Variants in CPXM2 observed in about 807,000 individuals in gnomAD.
CPXM2 encodes inactive carboxypeptidase-like protein X2.
A neutral mutation model predicts 86.1 loss-of-function variants in CPXM2; 66 were observed. The ratio of observed to expected loss-of-function variants is 0.77; its 90% CI spans 0.63 to 0.94. The LOEUF (loss-of-function observed/expected upper bound fraction) is 0.94, where lower values mean the gene tolerates loss of function less well. Ranked by LOEUF, CPXM2 falls within the 40% of genes least tolerant of loss-of-function variation. CPXM2 has a pLI of 0.00. For synonymous variants in CPXM2, 388 were observed against 400.2 expected (o/e 0.97, Z 0.36); for missense variants, 948 against 1,026.3 (o/e 0.92, Z 1.04).
chr10:123,854,269 A>T (rs1590068652), intron 3 of CPXM2, among the ~76,000 whole-genome samples: 1 of 147,594 alleles, frequency 6.8e-6, no homozygotes, highest in Non-Finnish European at 1.5e-5. Context: ...CCTAGGGGAA[A>T]CTCAAGCCAG....
At chr10:123,895,896 A>G (rs1014163240), upstream of CPXM2, among the ~76,000 whole-genome samples, 1 of 152,240 alleles carries the variant, frequency 6.6e-6, no homozygotes, top group Admixed American at 6.5e-5. Context: ...TGCTAAGTGC[A>G]CTTCTGCTAA....
chr10:123,940,824 G>A (rs1257819265), upstream of CPXM2, among the ~76,000 whole-genome samples: 2 of 152,154 alleles, frequency 1.3e-5, no homozygotes, highest in African/African-American at 4.8e-5. Context: ...CCATGGTGAG[G>A]GTACTCATTG....
intron 2 of CPXM2, among the ~76,000 whole-genome samples, chr10:123,866,303 C>A (rs748534309): frequency 1.2e-4 from 18 of 152,172 alleles, no homozygotes; most frequent in Non-Finnish European, 2.5e-4. Flanking sequence ...GTGGCTCACG[C>A]CTGTAATCCC....
At chr10:123,764,540 G>A (rs1846424390) in intron 10 of CPXM2, among the ~76,000 whole-genome samples, 1 of 151,986 alleles carries the variant, frequency 6.6e-6, no homozygotes, top group South Asian at 2.1e-4. Context: ...AGGGTGGAGT[G>A]CAGTGGCAAA....
intron 4 of CPXM2, among the ~76,000 whole-genome samples, chr10:123,816,190 T>C (rs952260211): frequency 1.3e-5 from 2 of 152,132 alleles, no homozygotes; most frequent in African/African-American, 4.8e-5. Context: ...ACTAATGCCA[T>C]GCAAAATAGA....
intron 11 of CPXM2, among the ~76,000 whole-genome samples, chr10:123,757,658 G>T (rs2133980254): frequency 6.6e-6 from 1 of 152,310 alleles, no homozygotes; most frequent in African/African-American, 2.4e-5. Context: ...AAGTAAAAAA[G>T]TTTAATGCTC....
At chr10:123,936,068 CACT>C (rs1286223579) in intron 2 of CPXM2, among the ~76,000 whole-genome samples, 1 of 137,352 alleles carries the variant, frequency 7.3e-6, no homozygotes, top group African/African-American at 2.8e-5. Flanking sequence ...CCATCATCAC[CACT>C]ATCTTTACCA....
At chr10:123,927,356 G>A (rs978102240) in intron 2 of CPXM2, among the ~76,000 whole-genome samples, 5 of 152,204 alleles carry the variant, frequency 3.3e-5, no homozygotes, top group African/African-American at 1.2e-4. Flanking sequence ...CTGCCTCATT[G>A]TTGTTGAGTT....
At chr10:123,780,719 T>C in intron 6 of CPXM2, among the ~76,000 whole-genome samples, 1 of 143,602 alleles carries the variant, frequency 7.0e-6, no homozygotes, top group Admixed American at 6.9e-5. Context: ...ATAAGCCTTT[T>C]ACCCAGCATT....
chr10:123,867,903 G>C (rs958655463), intron 2 of CPXM2, among the ~76,000 whole-genome samples: 2 of 152,134 alleles, frequency 1.3e-5, no homozygotes, highest in African/African-American at 4.8e-5. Flanking sequence ...TCCCCCTTGG[G>C]TTCTCCTGCT....
intron 4 of CPXM2, among the ~76,000 whole-genome samples, chr10:123,800,525 C>T (rs949143321): frequency 1.3e-5 from 2 of 152,070 alleles, no homozygotes; most frequent in Non-Finnish European, 2.9e-5. Context: ...AAATAATTTC[C>T]GAATGACTTG....
chr10:123,818,010 C>G (rs906702804), intron 4 of CPXM2, among the ~76,000 whole-genome samples: 1 of 152,148 alleles, frequency 6.6e-6, no homozygotes, highest in Non-Finnish European at 1.5e-5. Flanking sequence ...GCTGGATGGT[C>G]AGGGACTTGA....
At chr10:123,761,718 G>T (rs150276649) in intron 11 of CPXM2, among the ~76,000 whole-genome samples, 154 bp downstream of exon 11, 1 of 152,144 alleles carries the variant, frequency 6.6e-6, no homozygotes, top group Non-Finnish European at 1.5e-5. Flanking sequence ...CCTGAGTGTT[G>T]TGCTTAGGAA....
At chr10:123,806,979 C>A (rs569060661) in intron 4 of CPXM2, among the ~76,000 whole-genome samples, 1 of 152,292 alleles carries the variant, frequency 6.6e-6, no homozygotes, top group African/African-American at 2.4e-5. Flanking sequence ...TAGCTGCAAC[C>A]CATGTGATAG....
In CPXM2 at chr10:123,906,193, C is replaced by T. The variant is rs79257587; in HGVS notation, n.175-25884G>A. 9.9e-3 allele frequency among the ~76,000 whole-genome samples: 1,509 copies of T among 152,292 alleles called. 29 individuals are homozygous for T. The highest frequency in any genetic ancestry group is 0.035 in the African/African-American group (1,457 of 41,550). ...TCCCAGAAGTCCTCAGAAATGTGACCGAAGGGCAACATGGGCACACTACAG... is the reference window on the plus strand; with the variant it reads ...TCCCAGAAGTCCTCAGAAATGTGACTGAAGGGCAACATGGGCACACTACAG... On this transcript the variant is annotated intron_variant and non_coding_transcript_variant, in intron 2 of 19. Transcript: ENST00000368854.
chr10:123,822,174 TTCTCCAAAGTA>T (rs1172950956), intron 4 of CPXM2, among the ~76,000 whole-genome samples: 1 of 152,234 alleles, frequency 6.6e-6, no homozygotes, highest in Non-Finnish European at 1.5e-5. Context: ...AGAAATTGGT[TTCTCCAAAGTA>T]TCTGAACACA....
At chr10:123,782,085 T>C (rs17106041) in intron 6 of CPXM2, among the ~76,000 whole-genome samples, 4,412 of 152,354 alleles carry the variant, frequency 0.029, 195 homozygotes, top group African/African-American at 0.099. Flanking sequence ...AACTGGCATT[T>C]TGTCCACACA....
chr10:123,861,196 C>A (rs186289498), intron 3 of CPXM2, among the ~76,000 whole-genome samples: 6 of 152,322 alleles, frequency 3.9e-5, no homozygotes, highest in Non-Finnish European at 8.8e-5. Flanking sequence ...GCTTTGAGTG[C>A]ACCCTTGATG....
At chr10:123,779,260 T>C (rs552567278) in intron 7 of CPXM2, among the ~76,000 whole-genome samples, 2 of 152,298 alleles carry the variant, frequency 1.3e-5, no homozygotes, top group African/African-American at 4.8e-5. Flanking sequence ...ATGCTGGGGG[T>C]GGGCACAGAA....
Sources: gnomAD v4.1 joint callset for allele counts (sites outside exome capture counted in the v4.1 genomes callset) on GRCh38, gnomAD v4.1.1 for gene constraint, MANE v1.5 for transcripts, NCBI Gene and HGNC (gene_info 2026-07-23, HGNC 2026-07-21) for gene names.